Variants in SP100 observed in about 807,000 individuals in gnomAD.
SP100 encodes the protein nuclear autoantigen Sp-100.
Under a neutral mutation model 130.0 loss-of-function variants are expected in SP100, and 84 were observed. That is an observed-to-expected ratio of 0.65 (90% CI 0.54 to 0.77). The LOEUF (loss-of-function observed/expected upper bound fraction) is 0.77. Ranked by LOEUF, SP100 falls within the 30% of genes least tolerant of loss-of-function variation. The pLI, the probability that SP100 is intolerant of heterozygous loss-of-function variation, is 0.00. For missense variants in SP100, 978 were observed against 1,052.2 expected (o/e 0.93, Z 0.97); for synonymous variants, 331 against 351.7 (o/e 0.94, Z 0.66).
chr2:230,476,342 C>T (rs912138999), intron 17 of SP100, among the ~76,000 whole-genome samples: 6 of 152,076 alleles, frequency 3.9e-5, no homozygotes, highest in South Asian at 2.1e-4. Flanking sequence ...TCAGCTAGAA[C>T]GTTTTTAGTG....
intron 15 of SP100, among the ~76,000 whole-genome samples, chr2:230,472,082 T>C (rs1262881608): frequency 1.3e-5 from 2 of 151,684 alleles, no homozygotes; most frequent in East Asian, 3.9e-4. Context: ...AAGATGAATA[T>C]AGATGAAGAA....
chr2:230,480,360 A>C (rs1348601143), intron 17 of SP100, among the ~76,000 whole-genome samples: 1 of 152,372 alleles, frequency 6.6e-6, no homozygotes, highest in East Asian at 1.9e-4. Context: ...CAAAGAAAAA[A>C]CATTAAAAAT....
At chr2:230,428,157 G>A (rs1312277187) in intron 2 of SP100, among the ~76,000 whole-genome samples, 1 of 152,076 alleles carries the variant, frequency 6.6e-6, no homozygotes, top group Non-Finnish European at 1.5e-5. Context: ...CTTAAACCCA[G>A]GAGGCAGTGA....
At chr2:230,539,983 T>C (rs766618698) in intron 25 of SP100, among the ~76,000 whole-genome samples, 3 of 152,164 alleles carry the variant, frequency 2.0e-5, no homozygotes, top group Non-Finnish European at 4.4e-5. Context: ...TGTGTCTGAC[T>C]CTATGAGGGC....
chr2:230,447,371 T>C (rs1052158584), intron 5 of SP100, among the ~76,000 whole-genome samples: 4 of 152,180 alleles, frequency 2.6e-5, no homozygotes, highest in African/African-American at 9.7e-5. Flanking sequence ...GTAGATACCA[T>C]CTGATATCTT....
chr2:230,456,072 A>G (rs998066581), intron 8 of SP100, among the ~76,000 whole-genome samples: 1 of 152,070 alleles, frequency 6.6e-6, no homozygotes, highest in Non-Finnish European at 1.5e-5. Flanking sequence ...CAGCTTGAGC[A>G]TTTCTTGTAA....
intron 24 of SP100, chr2:230,515,584 G>A: frequency 3.1e-6 from 5 of 1,601,300 alleles, no homozygotes; most frequent in Non-Finnish European, 4.3e-6. Flanking sequence ...GAAGGAAGAG[G>A]AAGAAGATGA....
At chr2:230,542,181 A>C (rs1222519626) in intron 28 of SP100, 146 bp downstream of exon 28, 2 of 881,210 alleles carry the variant, frequency 2.3e-6, no homozygotes, top group Non-Finnish European at 3.5e-6. Context: ...GAAGTATCCT[A>C]AAAGCCCTGT....
chr2:230,536,223 A>G (rs1310846315), intron 24 of SP100, among the ~76,000 whole-genome samples: 2 of 152,048 alleles, frequency 1.3e-5, no homozygotes, highest in African/African-American at 4.8e-5. Flanking sequence ...TTAACTTTTG[A>G]TTTTTGGGTG....
chr2:230,453,623 T>G (rs189979628), intron 8 of SP100, among the ~76,000 whole-genome samples: 20 of 152,356 alleles, frequency 1.3e-4, no homozygotes, highest in African/African-American at 4.6e-4. Context: ...CCTTTAGATA[T>G]GTATATGTTA....
rs2064954040 is a variant in SP100 at position 230,466,282 on chromosome 2, T to A, written c.1142-19T>A. 1 of 1,495,878 alleles carries A rather than the reference T, an allele frequency of 6.7e-7. No individual in the cohort carries two copies. The highest frequency in any genetic ancestry group is 9.2e-7 in the Non-Finnish European group (1 of 1,082,068). The allele number at this position is 1,495,878 out of a possible 1,614,324, so 92.7% of individuals were successfully genotyped here. A position where few individuals can be genotyped will look rare whatever the true frequency, so the allele number is the denominator to read the frequency against. On this transcript the variant is annotated intron_variant, in intron 11 of 28. Transcript: ENST00000340126. ...GTCTCTTGCATACAAATAACGGGTT[T>A]CTCCCTTTTACTTTACAGAGCCCAT...
In SP100 at chr2:230,446,697, C is replaced by G. The variant is rs1389381709; in HGVS notation, c.440-122C>G. 1.5e-5 allele frequency: 9 copies of G among 616,658 alleles called. 2 individuals are homozygous for G. Among genetic ancestry groups the G allele is most frequent in the Middle Eastern group, 4.4e-4 (1 of 2,272 alleles). The allele number at this position is 616,658 out of a possible 1,614,324, so 38.2% of individuals were successfully genotyped here. A position where few individuals can be genotyped will look rare whatever the true frequency, so the allele number is the denominator to read the frequency against. On this transcript the variant is annotated intron_variant, in intron 4 of 28. Transcript: ENST00000340126. ...AGGGGATGACGGGAGAACTTTAGGT[C>G]ATGTGGAACCCTCTGAGCTCTGAGT...
intron 22 of SP100, chr2:230,506,722 C>A: frequency 3.4e-6 from 1 of 290,916 alleles, no homozygotes; most frequent in Admixed American, 4.7e-5. Context: ...AATTTGGTCA[C>A]ATGAAAGTAA....
intron 2 of SP100, among the ~76,000 whole-genome samples, chr2:230,440,075 G>A (rs2063422638): frequency 6.6e-6 from 1 of 152,062 alleles, no homozygotes; most frequent in Admixed American, 6.6e-5. Flanking sequence ...ACTTAATGGT[G>A]CTGCTAAGTG....
chr2:230,519,784 C>T (rs933825738), intron 24 of SP100, among the ~76,000 whole-genome samples: 1 of 152,164 alleles, frequency 6.6e-6, no homozygotes, highest in African/African-American at 2.4e-5. Context: ...CTAAAACCAG[C>T]TTTTTCCAAT....
At chr2:230,541,395 T>A (rs376455346) in intron 27 of SP100, 23 bp downstream of exon 27, 1 of 1,589,258 alleles carries the variant, frequency 6.3e-7, no homozygotes, top group Non-Finnish European at 8.6e-7. Flanking sequence ...CAAACAAAAA[T>A]GCTTATACTG....
At chr2:230,532,737 C>A (rs531239074) in intron 24 of SP100, among the ~76,000 whole-genome samples, 2 of 152,096 alleles carry the variant, frequency 1.3e-5, no homozygotes, top group Non-Finnish European at 2.9e-5. Context: ...TACTATATTA[C>A]CAATCATGGA....
chr2:230,451,167 T>C (rs1459926654), intron 8 of SP100, among the ~76,000 whole-genome samples: 6 of 152,242 alleles, frequency 3.9e-5, no homozygotes, highest in Non-Finnish European at 7.3e-5. Flanking sequence ...GCGAAATTCA[T>C]GGATTGTATG....
At chr2:230,515,309 A>G in intron 24 of SP100, 3 of 1,613,380 alleles carry the variant, frequency 1.9e-6, no homozygotes, top group Non-Finnish European at 2.5e-6. Flanking sequence ...AATGCACCCA[A>G]GAGGCCTCCT....
Sources: allele counts gnomAD v4.1 joint callset (sites outside exome capture counted in the v4.1 genomes callset), GRCh38; gene constraint gnomAD v4.1.1; transcripts MANE v1.5; gene names NCBI Gene and HGNC (gene_info 2026-07-23, HGNC 2026-07-21).